Variants in IQUB observed in about 807,000 individuals in gnomAD.
IQUB encodes IQ motif and ubiquitin-like domain-containing protein.
IQUB carries 86 observed loss-of-function variants against 86.4 expected under a neutral mutation model. The observed-to-expected ratio is 1.00, with a 90% CI of 0.84 to 1.19. The LOEUF is 1.19. Ranked by LOEUF, IQUB falls within the 50% of genes most tolerant of loss-of-function variation. The pLI is 0.00. For missense variants in IQUB, 946 were observed against 916.9 expected (o/e 1.03, Z -0.41); for synonymous variants, 289 against 304.5 (o/e 0.95, Z 0.53).
At chr7:123,482,741 TAATC>T (rs1253984585) in intron 7 of IQUB, among the ~76,000 whole-genome samples, 3 of 152,184 alleles carry the variant, frequency 2.0e-5, no homozygotes, top group East Asian at 1.9e-4. Flanking sequence ...ATGTTTGTAA[TAATC>T]AACCACAAGT....
chr7:123,454,413 CTAAG>C (rs777280507), intron 12 of IQUB, among the ~76,000 whole-genome samples: 4 of 151,932 alleles, frequency 2.6e-5, no homozygotes, highest in Non-Finnish European at 5.9e-5. Flanking sequence ...AGCAAAGAAA[CTAAG>C]TCTCAGAGTC....
At chr7:123,486,558 C>T (rs1795219912) in intron 7 of IQUB, among the ~76,000 whole-genome samples, 1 of 152,038 alleles carries the variant, frequency 6.6e-6, no homozygotes, top group Non-Finnish European at 1.5e-5. Context: ...TAGTAATTGT[C>T]CTTAGTAAAT....
At chr7:123,520,020 C>T (rs1421472501) in intron 1 of IQUB, among the ~76,000 whole-genome samples, 2 of 144,634 alleles carry the variant, frequency 1.4e-5, no homozygotes, top group Non-Finnish European at 1.5e-5. Flanking sequence ...ACCAGTCCCC[C>T]TTTTAGCTGT....
intron 11 of IQUB, among the ~76,000 whole-genome samples, chr7:123,461,012 CTT>C (rs1338326896): frequency 6.7e-6 from 1 of 150,330 alleles, no homozygotes; most frequent in Non-Finnish European, 1.5e-5. Context: ...TTAGCTTTCA[CTT>C]TTGGTGTTAT....
intron 11 of IQUB, chr7:123,457,868 TG>T: frequency 8.8e-6 from 2 of 226,472 alleles, no homozygotes; most frequent in Non-Finnish European, 1.7e-5. Context: ...AATAAACATA[TG>T]GTATTGAATG....
intron 8 of IQUB, 33 bp downstream of exon 8, chr7:123,479,762 C>A: frequency 6.7e-7 from 1 of 1,482,884 alleles, no homozygotes; most frequent in Middle Eastern, 1.8e-4. Context: ...ACTCAGAATA[C>A]ATTCATATTT....
chr7:123,496,658 T>C (rs1170548881), intron 7 of IQUB, 38 bp downstream of exon 7: 13 of 1,243,566 alleles, frequency 1.0e-5, no homozygotes, highest in Non-Finnish European at 1.5e-5. Context: ...TAATGAAGAA[T>C]TTAAAAATAT....
intron 7 of IQUB, among the ~76,000 whole-genome samples, chr7:123,484,485 T>C (rs1295176801): frequency 6.6e-6 from 1 of 152,048 alleles, no homozygotes; most frequent in Admixed American, 6.6e-5. Flanking sequence ...TACAATTATA[T>C]CAGATTATAT....
At chr7:123,485,732 G>T (rs1795191281) in intron 7 of IQUB, among the ~76,000 whole-genome samples, 1 of 152,214 alleles carries the variant, frequency 6.6e-6, no homozygotes, top group East Asian at 1.9e-4. Flanking sequence ...GTCTACCATT[G>T]GCAGTTTTGA....
chr7:123,489,005 T>A (rs1410989163), intron 7 of IQUB, among the ~76,000 whole-genome samples: 1 of 152,110 alleles, frequency 6.6e-6, no homozygotes, highest in African/African-American at 2.4e-5. Flanking sequence ...AGATATAACC[T>A]TGAGGCAAAG....
chr7:123,517,923 C>T (rs1449073273), intron 1 of IQUB, among the ~76,000 whole-genome samples: 4 of 152,096 alleles, frequency 2.6e-5, no homozygotes, highest in African/African-American at 4.8e-5. Context: ...AAAAGCAGTC[C>T]GAAGGTATAG....
chr7:123,509,805 G>A, intron 3 of IQUB, 96 bp downstream of exon 3: 1 of 1,037,048 alleles, frequency 9.6e-7, no homozygotes. Context: ...TGTTCAATTA[G>A]TACCAAGATA....
intron 11 of IQUB, among the ~76,000 whole-genome samples, chr7:123,461,093 T>C (rs1469722440): frequency 2.6e-5 from 4 of 151,870 alleles, no homozygotes; most frequent in Admixed American, 6.6e-5. Flanking sequence ...TATGTGTATA[T>C]GTAACATCAG....
intron 8 of IQUB, 89 bp downstream of exon 8, chr7:123,479,706 C>T (rs1032657610): frequency 4.3e-5 from 39 of 914,874 alleles, no homozygotes; most frequent in Non-Finnish European, 6.0e-5. Flanking sequence ...CATGTAAGTT[C>T]TTGCAATCTA....
At chr7:123,467,989 T>C (rs1252923329) in intron 9 of IQUB, among the ~76,000 whole-genome samples, 1 of 152,238 alleles carries the variant, frequency 6.6e-6, no homozygotes, top group Non-Finnish European at 1.5e-5. Context: ...TTTTCTTGCT[T>C]ATAGAGGTAA....
chr7:123,467,992 A>G lies in IQUB; in HGVS notation c.1581+1222T>C, dbSNP rs1185529165. Among the ~76,000 whole-genome samples the G allele has an allele frequency of 5.9e-5, 9 of 152,370 alleles. No individual in the cohort carries two copies. In the East Asian group the frequency reaches 1.7e-3, roughly 29 times the overall value. On this transcript the variant is annotated intron_variant, in intron 9 of 12. Transcript: ENST00000324698. Reference sequence around the variant, plus strand: ...GCAAGGCAAGTGTTTTCTTGCTTATAGAGGTAACTGACTCTGATCTTCAAA... The same window carrying G: ...GCAAGGCAAGTGTTTTCTTGCTTATGGAGGTAACTGACTCTGATCTTCAAA...
chr7:123,483,153 G>T (rs1460786900), intron 7 of IQUB, among the ~76,000 whole-genome samples: 2 of 152,006 alleles, frequency 1.3e-5, no homozygotes, highest in East Asian at 1.9e-4. Flanking sequence ...ACTTCCACAA[G>T]CAGGATGCTC....
intron 9 of IQUB, among the ~76,000 whole-genome samples, chr7:123,465,896 A>G (rs1794235895): frequency 6.6e-6 from 1 of 152,052 alleles, no homozygotes; most frequent in African/African-American, 2.4e-5. Context: ...ATACTCATTT[A>G]TGCTCATATT....
chr7:123,516,643 G>A (rs915108094), intron 1 of IQUB, among the ~76,000 whole-genome samples: 16 of 148,144 alleles, frequency 1.1e-4, no homozygotes, highest in African/African-American at 3.9e-4. Flanking sequence ...AAGTATGAAA[G>A]AAACTAAGAA....
Sources: allele counts gnomAD v4.1 joint callset (sites outside exome capture counted in the v4.1 genomes callset), GRCh38; gene constraint gnomAD v4.1.1; transcripts MANE v1.5; gene names NCBI Gene and HGNC (gene_info 2026-07-23, HGNC 2026-07-21).